Variants in CREM observed in about 807,000 individuals in gnomAD.
The protein encoded by CREM is cAMP responsive element modulator, also known as cAMP-responsive element modulator.
A neutral mutation model predicts 37.3 loss-of-function variants in CREM; 13 were observed. The observed-to-expected ratio is 0.35, with a 90% CI of 0.23 to 0.55. The LOEUF (loss-of-function observed/expected upper bound fraction) is 0.55. Among genes scored for constraint, CREM ranks in the 20% least tolerant of loss-of-function variants. The pLI, the probability that CREM is intolerant of heterozygous loss-of-function variation, is 0.88. For synonymous variants in CREM, 124 were observed against 120.2 expected (o/e 1.03, Z -0.21); for missense variants, 296 against 362.3 (o/e 0.82, Z 1.49).
chr10:35,165,308 A>G (rs927280280), intron 3 of CREM, among the ~76,000 whole-genome samples: 2 of 152,074 alleles, frequency 1.3e-5, no homozygotes, highest in African/African-American at 4.8e-5. Context: ...ACCAGCTCTC[A>G]GAACTACCAG....
intron 6 of CREM, chr10:35,195,102 C>T (rs1047627694): frequency 2.4e-5 from 34 of 1,413,552 alleles, no homozygotes; most frequent in Non-Finnish European, 3.2e-5. Context: ...AGTCCTCCTG[C>T]TTATCCTGCA....
rs765312444 is a variant in CREM, at chr10:35,206,953, G to A, written c.657G>A (p.Gln219=). The change falls in exon 7 of 8, where the codon CAG becomes CAA. Residue 219 remains glutamine (Q), a synonymous_variant. Transcript: ENST00000685392. ...GAGCTCCTACTGCTGCTTTGCCACA[G>A]GGAGTGGTGATGGCTGCATCGCCCG... ...QIRAPTAALP[Q]GVVMAASPGS... 7 of 1,613,932 alleles carry A rather than the reference G, an allele frequency of 4.3e-6. No individual in the cohort carries two copies. In the African/African-American group the frequency reaches 8.0e-5, roughly 18 times the overall value.
At chr10:35,195,208 G>T (rs1465188048) in intron 6 of CREM, 1 of 1,614,014 alleles carries the variant, frequency 6.2e-7, no homozygotes, top group Admixed American at 1.7e-5. Flanking sequence ...AACTGGAGAT[G>T]ACACAGGTAA....
intron 2 of CREM, among the ~76,000 whole-genome samples, chr10:35,144,738 CTT>C (rs34780156): frequency 3.4e-5 from 5 of 147,118 alleles, no homozygotes; most frequent in South Asian, 2.2e-4. Flanking sequence ...ATCATTAAAA[CTT>C]TTTTTTTTTT....
At chr10:35,149,889 A>AACACACACACCCACACAC (rs2092450379) in intron 3 of CREM, among the ~76,000 whole-genome samples, 1 of 111,830 alleles carries the variant, frequency 8.9e-6, no homozygotes, top group Non-Finnish European at 1.8e-5. Context: ...CTTTTGCTTA[A>AACACACACACCCACACAC]ACACACACAC....
At chr10:35,161,412 T>G (rs867883853) in intron 3 of CREM, among the ~76,000 whole-genome samples, 1 of 151,864 alleles carries the variant, frequency 6.6e-6, no homozygotes, top group African/African-American at 2.4e-5. Context: ...GGAGAATTGC[T>G]TAAACCCAGA....
chr10:35,129,543 C>T (rs970045512), intron 1 of CREM, among the ~76,000 whole-genome samples: 1 of 152,188 alleles, frequency 6.6e-6, no homozygotes, highest in Non-Finnish European at 1.5e-5. Context: ...GTTGTATTCC[C>T]TGCAAATTAA....
chr10:35,155,223 G>A (rs1254266801), intron 3 of CREM, among the ~76,000 whole-genome samples: 7 of 152,272 alleles, frequency 4.6e-5, no homozygotes, highest in Non-Finnish European at 1.0e-4. Context: ...CGTAGAAAAT[G>A]TTCAAGTTCC....
At chr10:35,186,494 A>C (rs2094556847) in intron 5 of CREM, among the ~76,000 whole-genome samples, 1 of 151,540 alleles carries the variant, frequency 6.6e-6, no homozygotes, top group Admixed American at 6.6e-5. Flanking sequence ...TTACTTTTTA[A>C]GGACCTTTGC....
chr10:35,205,996 C>T (rs1377736895), intron 6 of CREM, among the ~76,000 whole-genome samples: 1 of 151,372 alleles, frequency 6.6e-6, no homozygotes, highest in African/African-American at 2.4e-5. Flanking sequence ...CACCTGTAAT[C>T]CCAGCACTTT....
At chr10:35,178,353 G>A (rs184993261) in intron 3 of CREM, among the ~76,000 whole-genome samples, 2 of 152,238 alleles carry the variant, frequency 1.3e-5, no homozygotes, top group Admixed American at 1.3e-4. Context: ...CCTTGTAATA[G>A]AAATCCTGAT....
chr10:35,143,772 A>G (rs560344036), intron 2 of CREM, among the ~76,000 whole-genome samples: 2 of 152,284 alleles, frequency 1.3e-5, no homozygotes, highest in South Asian at 4.2e-4. Context: ...TAAAGGAGGT[A>G]CAGGTGGGAA....
At chr10:35,187,167 ATAT>A in intron 5 of CREM, among the ~76,000 whole-genome samples, 1 of 42,810 alleles carries the variant, frequency 2.3e-5, no homozygotes, top group South Asian at 5.9e-4. Flanking sequence ...TATATATTAT[ATAT>A]TAATATTAAT....
intron 1 of CREM, among the ~76,000 whole-genome samples, chr10:35,137,160 A>T (rs1254421087): frequency 6.6e-6 from 1 of 152,078 alleles, no homozygotes; most frequent in Non-Finnish European, 1.5e-5. Context: ...TTCTTTCCAC[A>T]TGTCAAATAT....
At chr10:35,166,287 A>G (rs2093550582) in intron 3 of CREM, among the ~76,000 whole-genome samples, 1 of 152,184 alleles carries the variant, frequency 6.6e-6, no homozygotes, top group Non-Finnish European at 1.5e-5. Context: ...GCTAGGCCAG[A>G]CACAGTGGCT....
intron 1 of CREM, among the ~76,000 whole-genome samples, chr10:35,137,473 T>G (rs1247567984): frequency 2.0e-5 from 3 of 152,208 alleles, no homozygotes; most frequent in Admixed American, 6.5e-5. Context: ...TAGCACTGCT[T>G]TCTCTTCAGT....
chr10:35,179,033 G>T, intron 4 of CREM, 47 bp downstream of exon 4: 1 of 1,554,302 alleles, frequency 6.4e-7, no homozygotes, highest in Non-Finnish European at 8.8e-7. Context: ...TTCCAAAATG[G>T]TAGAATAATT....
At chr10:35,209,556 A>G (rs766197318) in intron 7 of CREM, among the ~76,000 whole-genome samples, 49 of 152,232 alleles carry the variant, frequency 3.2e-4, no homozygotes, top group Non-Finnish European at 6.2e-4. Context: ...TCAAATGTAG[A>G]AGATGAAGTA....
chr10:35,176,066 T>C, intron 3 of CREM: 1 of 1,502,320 alleles, frequency 6.7e-7, no homozygotes, highest in Non-Finnish European at 8.9e-7. Flanking sequence ...CTTTCACTAA[T>C]TCATTTATCA....
Sources: allele counts gnomAD v4.1 joint callset (sites outside exome capture counted in the v4.1 genomes callset), GRCh38; gene constraint gnomAD v4.1.1; transcripts MANE v1.5; gene names NCBI Gene and HGNC (gene_info 2026-07-23, HGNC 2026-07-21).